Variants in DSCAM observed in about 807,000 individuals in gnomAD.
DSCAM encodes DS cell adhesion molecule, also known as cell adhesion molecule DSCAM.
A neutral mutation model predicts 217.7 loss-of-function variants in DSCAM; 47 were observed. The ratio of observed to expected loss-of-function variants is 0.22; its 90% CI spans 0.17 to 0.28. The LOEUF (loss-of-function observed/expected upper bound fraction) is 0.28, where lower values mean the gene tolerates loss of function less well. Ranked by LOEUF, DSCAM falls within the 10% of genes least tolerant of loss-of-function variation. DSCAM has a pLI of 1.00. For missense variants in DSCAM, 2,080 were observed against 2,618.3 expected (o/e 0.79, Z 4.49); for synonymous variants, 1,056 against 1,015.3 (o/e 1.04, Z -0.76).
intron 8 of DSCAM, among the ~76,000 whole-genome samples, chr21:40,313,068 G>A (rs1601541770): frequency 6.6e-6 from 1 of 150,758 alleles, no homozygotes; most frequent in Non-Finnish European, 1.5e-5. Context: ...AGTAAGCTAC[G>A]AGGGCACCAG....
At chr21:40,165,934 C>G (rs2090590216) in intron 16 of DSCAM, among the ~76,000 whole-genome samples, 1 of 152,026 alleles carries the variant, frequency 6.6e-6, no homozygotes, top group Admixed American at 6.6e-5. Flanking sequence ...TTACAAAGAC[C>G]AATGACACCA....
chr21:40,443,109 T>C (rs184737934), intron 3 of DSCAM, among the ~76,000 whole-genome samples: 17 of 152,370 alleles, frequency 1.1e-4, no homozygotes, highest in Admixed American at 1.1e-3. Flanking sequence ...ATCGTGTTGA[T>C]AAAAATCTAT....
chr21:40,607,828 C>T (rs1432436955), intron 3 of DSCAM, among the ~76,000 whole-genome samples: 1 of 152,134 alleles, frequency 6.6e-6, no homozygotes, highest in Non-Finnish European at 1.5e-5. Flanking sequence ...TACCCTGTCT[C>T]GGGTATGTCT....
chr21:40,801,938 T>C (rs943818351), intron 1 of DSCAM, among the ~76,000 whole-genome samples: 1 of 152,102 alleles, frequency 6.6e-6, no homozygotes, highest in Admixed American at 6.5e-5. Flanking sequence ...TGTATGTAAC[T>C]GTAGGGTCAG....
intron 1 of DSCAM, among the ~76,000 whole-genome samples, chr21:40,836,804 A>G (rs73903032): frequency 0.17 from 26,261 of 152,204 alleles, 2,538 homozygotes; most frequent in Admixed American, 0.29. Context: ...AAGACGACAT[A>G]ACAAACATGG....
At chr21:40,267,223 A>G (rs2073550623) in intron 11 of DSCAM, among the ~76,000 whole-genome samples, 1 of 148,964 alleles carries the variant, frequency 6.7e-6, no homozygotes, top group Non-Finnish European at 1.5e-5. Context: ...GGTCATCTGG[A>G]CACCTCCTGA....
intron 9 of DSCAM, among the ~76,000 whole-genome samples, chr21:40,297,878 C>G (rs144369852): frequency 1.7e-4 from 26 of 152,242 alleles, no homozygotes; most frequent in African/African-American, 6.0e-4. Context: ...TTTTCTATTT[C>G]CTGTTGGGCA....
At chr21:40,562,931 G>C (rs2076731841) in intron 3 of DSCAM, among the ~76,000 whole-genome samples, 1 of 152,204 alleles carries the variant, frequency 6.6e-6, no homozygotes, top group African/African-American at 2.4e-5. Context: ...CTAGGAGAGA[G>C]AGACGCAAAA....
At chr21:40,544,291 A>C (rs147013654) in intron 3 of DSCAM, among the ~76,000 whole-genome samples, 1 of 152,318 alleles carries the variant, frequency 6.6e-6, no homozygotes, top group African/African-American at 2.4e-5. Context: ...GTCACATCGG[A>C]AACTTCACAT....
At chr21:40,339,498 G>T in intron 6 of DSCAM, 83 bp from the exon 7 acceptor site, 1 of 1,328,376 alleles carries the variant, frequency 7.5e-7, no homozygotes, top group Non-Finnish European at 1.0e-6. Flanking sequence ...ATGTCTAGGG[G>T]GTAAATGTCG....
intron 32 of DSCAM, among the ~76,000 whole-genome samples, chr21:40,040,388 T>C (rs1194691640): frequency 6.6e-6 from 1 of 152,120 alleles, no homozygotes; most frequent in African/African-American, 2.4e-5. Flanking sequence ...AAAAACAAGC[T>C]TCAACCCTGT....
intron 32 of DSCAM, among the ~76,000 whole-genome samples, chr21:40,041,946 A>G (rs1480889865): frequency 1.3e-5 from 2 of 152,210 alleles, no homozygotes; most frequent in Non-Finnish European, 1.5e-5. Context: ...CAGAAATGAT[A>G]GCTGTGTCAG....
At chr21:40,182,409 G>T (rs1260017699) in intron 14 of DSCAM, among the ~76,000 whole-genome samples, 2 of 151,986 alleles carry the variant, frequency 1.3e-5, no homozygotes, top group Non-Finnish European at 2.9e-5. Flanking sequence ...TACCTTTCAG[G>T]GTGTGACAGA....
At chr21:40,237,219 AT>A (rs2146934960) in intron 11 of DSCAM, among the ~76,000 whole-genome samples, 1 of 152,184 alleles carries the variant, frequency 6.6e-6, no homozygotes, top group East Asian at 1.9e-4. Flanking sequence ...AAAGAAGTTT[AT>A]TATTATTATT....
chr21:40,564,243 G>A (rs143511190), intron 3 of DSCAM, among the ~76,000 whole-genome samples: 36 of 152,296 alleles, frequency 2.4e-4, no homozygotes, highest in African/African-American at 8.7e-4. Flanking sequence ...AGTGGTTAGG[G>A]AACTCTACAA....
chr21:40,062,983 A>G (rs556683191), intron 27 of DSCAM, 84 bp from the exon 28 acceptor site: 1 of 1,228,608 alleles, frequency 8.1e-7, no homozygotes, highest in Non-Finnish European at 1.1e-6. Flanking sequence ...CTCTACAGTC[A>G]GATCAGAACA....
At chr21:40,037,728 A>G (rs1252501945) in intron 32 of DSCAM, among the ~76,000 whole-genome samples, 1 of 146,862 alleles carries the variant, frequency 6.8e-6, no homozygotes, top group Non-Finnish European at 1.5e-5. Context: ...AAGCCAAAAG[A>G]AAAAAGCTGG....
intron 24 of DSCAM, among the ~76,000 whole-genome samples, chr21:40,080,748 A>G (rs2146561034): frequency 6.6e-6 from 1 of 152,288 alleles, no homozygotes; most frequent in Non-Finnish European, 1.5e-5. Context: ...ATACATTATC[A>G]ATGGGAGTAG....
At chr21:40,195,203 C>A (rs1038334067) in intron 11 of DSCAM, among the ~76,000 whole-genome samples, 1 of 152,082 alleles carries the variant, frequency 6.6e-6, no homozygotes, top group Non-Finnish European at 1.5e-5. Flanking sequence ...ATGAAAAATT[C>A]TATCAATAAA....
Sources: allele counts gnomAD v4.1 joint callset (sites outside exome capture counted in the v4.1 genomes callset), GRCh38; gene constraint gnomAD v4.1.1; transcripts MANE v1.5; gene names NCBI Gene and HGNC (gene_info 2026-07-23, HGNC 2026-07-21).